RNF217: variants seen among roughly 807,000 people sequenced by gnomAD.
RNF217 encodes the protein E3 ubiquitin-protein ligase RNF217.
In RNF217, 31 loss-of-function variants were observed where a neutral mutation model predicts 57.8. The observed-to-expected ratio is 0.54, with a 90% CI of 0.40 to 0.72. The LOEUF (loss-of-function observed/expected upper bound fraction) is 0.72. Ranked by LOEUF, RNF217 falls within the 30% of genes least tolerant of loss-of-function variation. RNF217 has a pLI of 0.00. For missense variants in RNF217, 696 were observed against 708.3 expected, an observed-to-expected ratio of 0.98 and a Z score of 0.20; for synonymous variants, 313 against 294.0, an observed-to-expected ratio of 1.06 and a Z score of -0.66.
intron 2 of RNF217, among the ~76,000 whole-genome samples, chr6:125,053,322 C>A (rs909129485): frequency 6.6e-6 from 1 of 152,096 alleles, no homozygotes; most frequent in Non-Finnish European, 1.5e-5. Context: ...TCAACATAAG[C>A]AGTTCCTGCT....
chr6:125,049,735 C>A (rs979982230), intron 2 of RNF217, among the ~76,000 whole-genome samples: 2 of 151,672 alleles, frequency 1.3e-5, no homozygotes, highest in Non-Finnish European at 1.5e-5. Flanking sequence ...GAATGAGCAA[C>A]CCTGGGTATT....
chr6:125,020,786 G>A (rs1378562780), intron 1 of RNF217, among the ~76,000 whole-genome samples: 4 of 152,152 alleles, frequency 2.6e-5, no homozygotes, highest in Non-Finnish European at 4.4e-5. Flanking sequence ...ATTCACAGAA[G>A]AGGGGAAAAC....
Position 124,963,360 on chromosome 6 carries a change from C to CA in RNF217, c.818dup (p.Pro274AlafsTer38). 1 of 1,528,270 alleles carries CA rather than the reference C, an allele frequency of 6.5e-7. No homozygotes were observed. Among genetic ancestry groups the CA allele is most frequent in the Non-Finnish European group, 8.7e-7 (1 of 1,143,254 alleles). The allele number at this position is 1,528,270 out of a possible 1,614,324, so 94.7% of individuals were successfully genotyped here. ...GGGTGTGCCTGGAAGACAAGCCCAT[C>CA]AAGCCCCTGCCTTGCTGCAAGAAGG... On this transcript the variant is annotated frameshift_variant, in exon 1 of 6. Coordinates refer to ENST00000521654, the MANE Select transcript of RNF217 (RefSeq NM_001286398.3). LOFTEE classifies it high-confidence loss of function.
At chr6:124,967,782 A>G (rs931231914) in intron 1 of RNF217, among the ~76,000 whole-genome samples, 3 of 149,366 alleles carry the variant, frequency 2.0e-5, no homozygotes, top group African/African-American at 7.4e-5. Flanking sequence ...CATAACATAA[A>G]TTTTTTTTTT....
intron 1 of RNF217, among the ~76,000 whole-genome samples, chr6:125,043,874 A>G (rs1786984096): frequency 6.6e-6 from 1 of 152,050 alleles, no homozygotes; most frequent in South Asian, 2.1e-4. Flanking sequence ...TACTTTTAAC[A>G]GGTCAATACT....
intron 1 of RNF217, among the ~76,000 whole-genome samples, chr6:125,024,922 A>C (rs1786013312): frequency 6.6e-6 from 1 of 152,136 alleles, no homozygotes; most frequent in South Asian, 2.1e-4. Flanking sequence ...TGTGGAGTTG[A>C]AACCATGGGA....
At chr6:124,998,418 A>G (rs994601878) in intron 1 of RNF217, among the ~76,000 whole-genome samples, 8 of 152,132 alleles carry the variant, frequency 5.3e-5, no homozygotes, top group Admixed American at 5.2e-4. Context: ...GCTTATCTCC[A>G]TCTTCACTTT....
At chr6:124,968,204 G>A (rs866686382) in intron 1 of RNF217, among the ~76,000 whole-genome samples, 3 of 152,114 alleles carry the variant, frequency 2.0e-5, no homozygotes, top group African/African-American at 7.2e-5. Flanking sequence ...TGTCATGCCC[G>A]GTGTGGTTTT....
At chr6:125,022,621 A>C (rs1267992004) in intron 1 of RNF217, among the ~76,000 whole-genome samples, 1 of 152,184 alleles carries the variant, frequency 6.6e-6, no homozygotes, top group Non-Finnish European at 1.5e-5. Flanking sequence ...GGTAGTTAAG[A>C]CTGAACATTT....
intron 1 of RNF217, among the ~76,000 whole-genome samples, chr6:125,005,542 A>G (rs1785148427): frequency 6.6e-6 from 1 of 152,216 alleles, no homozygotes; most frequent in African/African-American, 2.4e-5. Context: ...TCAGTCATCA[A>G]CTGGTCATCA....
chr6:125,021,187 T>C (rs1307915293), intron 1 of RNF217, among the ~76,000 whole-genome samples: 1 of 152,194 alleles, frequency 6.6e-6, no homozygotes, highest in East Asian at 1.9e-4. Flanking sequence ...CATGTGGAGT[T>C]TAACTGTGGT....
intron 1 of RNF217, among the ~76,000 whole-genome samples, chr6:125,016,546 T>C (rs887242134): frequency 1.3e-5 from 2 of 152,126 alleles, no homozygotes; most frequent in African/African-American, 4.8e-5. Context: ...GGACTGCTGT[T>C]TTTAGAAAGT....
intron 3 of RNF217, among the ~76,000 whole-genome samples, chr6:125,059,569 C>G (rs1332714240): frequency 6.6e-6 from 1 of 152,124 alleles, no homozygotes; most frequent in Non-Finnish European, 1.5e-5. Context: ...TAGCCTGGTT[C>G]TACAACTGGA....
chr6:125,056,141 G>A (rs1207624413), intron 2 of RNF217, among the ~76,000 whole-genome samples: 1 of 152,036 alleles, frequency 6.6e-6, no homozygotes, highest in Non-Finnish European at 1.5e-5. Context: ...ATTTTAAGTT[G>A]TCAATTGTCA....
At chr6:125,074,309 A>ATAGATAGATAGGTAGATAGATAGATAGT (rs1788272096) in intron 3 of RNF217, among the ~76,000 whole-genome samples, 3 of 119,812 alleles carry the variant, frequency 2.5e-5, no homozygotes, top group African/African-American at 8.0e-5. Flanking sequence ...AGATAGATAG[A>ATAGATAGATAGGTAGATAGATAGATAGT]TAGATAGATA....
chr6:124,988,089 C>G (rs1478839088), intron 1 of RNF217, among the ~76,000 whole-genome samples: 6 of 152,172 alleles, frequency 3.9e-5, no homozygotes, highest in African/African-American at 1.4e-4. Context: ...GCGAAGGCAT[C>G]AGATTCTCAT....
chr6:125,061,262 G>C (rs934879904), intron 3 of RNF217, among the ~76,000 whole-genome samples: 4 of 151,882 alleles, frequency 2.6e-5, no homozygotes, highest in Non-Finnish European at 4.4e-5. Context: ...TTTCTAAAAG[G>C]AATGAATCAA....
intron 1 of RNF217, among the ~76,000 whole-genome samples, chr6:124,984,558 A>AAG (rs1784304676): frequency 2.0e-5 from 3 of 150,612 alleles, no homozygotes; most frequent in Non-Finnish European, 4.4e-5. Flanking sequence ...AAAAAAAAAA[A>AAG]AAAGAAAGAA....
intron 3 of RNF217, among the ~76,000 whole-genome samples, chr6:125,058,928 G>T (rs964950254): frequency 5.9e-5 from 9 of 152,020 alleles, no homozygotes; most frequent in Non-Finnish European, 1.0e-4. Flanking sequence ...TCTCTAAATT[G>T]GCCTAATTAT....
Sources: allele counts gnomAD v4.1 joint callset (sites outside exome capture counted in the v4.1 genomes callset), GRCh38; gene constraint gnomAD v4.1.1; transcripts MANE v1.5; gene names NCBI Gene and HGNC (gene_info 2026-07-23, HGNC 2026-07-21).